SLC22A3: variants seen among roughly 807,000 people sequenced by gnomAD.
The protein encoded by SLC22A3 is solute carrier family 22 member 3, also known as EMT organic cation transporter 3.
A neutral mutation model predicts 59.1 loss-of-function variants in SLC22A3; 51 were observed. The observed-to-expected ratio is 0.86, with a 90% CI of 0.69 to 1.09. SLC22A3 has a LOEUF of 1.09. Ranked by LOEUF, SLC22A3 falls within the 50% of genes least tolerant of loss-of-function variation. The pLI is 0.00. For missense variants in SLC22A3, 711 were observed against 726.3 expected, an observed-to-expected ratio of 0.98 and a Z score of 0.24; for synonymous variants, 325 against 292.0, an observed-to-expected ratio of 1.11 and a Z score of -1.15.
chr6:160,436,650 G>A (rs1788343267), intron 5 of SLC22A3, 130 bp from the exon 6 acceptor site: 2 of 668,932 alleles, frequency 3.0e-6, no homozygotes, highest in Non-Finnish European at 5.2e-6. Flanking sequence ...TAATTGTCAG[G>A]TTTTAAGATA....
At chr6:160,425,583 T>G (rs1413932562) in intron 5 of SLC22A3, among the ~76,000 whole-genome samples, 1 of 152,202 alleles carries the variant, frequency 6.6e-6, no homozygotes, top group African/African-American at 2.4e-5. Context: ...TTAACTATAC[T>G]TATTTTCATC....
At chr6:160,368,825 C>T (rs1459720552) in intron 1 of SLC22A3, among the ~76,000 whole-genome samples, 1 of 152,174 alleles carries the variant, frequency 6.6e-6, no homozygotes, top group Non-Finnish European at 1.5e-5. Context: ...CCATAGTCAC[C>T]GGTTCATATT....
At chr6:160,405,117 A>G (rs1786958637) in intron 2 of SLC22A3, among the ~76,000 whole-genome samples, 1 of 152,140 alleles carries the variant, frequency 6.6e-6, no homozygotes, top group Non-Finnish European at 1.5e-5. Context: ...TGAAATGACA[A>G]GACACAGACT....
At chr6:160,372,580 T>C (rs1785439981) in intron 1 of SLC22A3, among the ~76,000 whole-genome samples, 1 of 152,248 alleles carries the variant, frequency 6.6e-6, no homozygotes, top group Non-Finnish European at 1.5e-5. Flanking sequence ...GATAATATCC[T>C]GAAGAGTGTT....
At chr6:160,421,951 G>A (rs1029619506) in intron 5 of SLC22A3, among the ~76,000 whole-genome samples, 3 of 152,124 alleles carry the variant, frequency 2.0e-5, no homozygotes, top group Non-Finnish European at 2.9e-5. Context: ...TGTGCTTCTC[G>A]ACTGTGGATA....
intron 5 of SLC22A3, among the ~76,000 whole-genome samples, chr6:160,423,768 G>T (rs1417136313): frequency 6.6e-6 from 1 of 152,134 alleles, no homozygotes; most frequent in Non-Finnish European, 1.5e-5. Flanking sequence ...CCATTCTCTA[G>T]GTTGCCTGTT....
At chr6:160,431,029 AT>A in intron 5 of SLC22A3, among the ~76,000 whole-genome samples, 1 of 152,364 alleles carries the variant, frequency 6.6e-6, no homozygotes, top group Admixed American at 6.5e-5. Context: ...ATAAGACTAT[AT>A]ATTTGTCAAA....
rs1371402330 is a variant in SLC22A3, at chr6:160,410,772, G to A, written c.901G>A (p.Gly301Arg). 1 of 1,613,316 alleles carries A rather than the reference G, an allele frequency of 6.2e-7. No homozygotes were observed. The highest frequency in any genetic ancestry group is 2.2e-5 in the East Asian group (1 of 44,836). The change falls in exon 5 of 11, where the codon GGA becomes AGA. Residue 301 changes from glycine to arginine, a missense_variant. Gly to Arg is a moderately radical substitution (Grantham distance 125). Coordinates refer to ENST00000275300, the MANE Select transcript of SLC22A3 (RefSeq NM_021977.4). The part of the protein sequence containing the change: ...SPRWLITRKK[G>R]DKALQILRRI... ...CCGTTGGCTGATTACTCGGAAGAAA[G>A]GAGATAAAGCATTACAGATCCTGAG...
intron 1 of SLC22A3, among the ~76,000 whole-genome samples, chr6:160,356,511 G>A (rs1356009472): frequency 2.6e-5 from 4 of 152,122 alleles, no homozygotes; most frequent in Non-Finnish European, 5.9e-5. Context: ...GTCATCAATC[G>A]AGCCTGCTCC....
At chr6:160,423,429 C>T (rs559561317) in intron 5 of SLC22A3, among the ~76,000 whole-genome samples, 2 of 152,334 alleles carry the variant, frequency 1.3e-5, no homozygotes, top group East Asian at 3.9e-4. Flanking sequence ...AATGGTTGAA[C>T]TAGTTTACAG....
chr6:160,451,146 A>C lies in SLC22A3; in HGVS notation c.*90A>C. The C allele has an allele frequency of 8.5e-7, 1 of 1,173,526 alleles. No homozygotes were observed. 72.7% of individuals were successfully genotyped at this position (1,173,526 alleles called of 1,614,324 possible). ...TTGCAGAGATGCACGTGTGCATTTCAGCTACATCATGCCGCGCTGTTGTAA... is the reference window on the plus strand; with the variant it reads ...TTGCAGAGATGCACGTGTGCATTTCCGCTACATCATGCCGCGCTGTTGTAA... On this transcript the variant is annotated 3_prime_UTR_variant, in exon 11 of 11. Transcript: ENST00000275300.
At chr6:160,352,890 C>T (rs1784706889) in intron 1 of SLC22A3, among the ~76,000 whole-genome samples, 1 of 152,218 alleles carries the variant, frequency 6.6e-6, no homozygotes, top group South Asian at 2.1e-4. Flanking sequence ...GGTGCAATCT[C>T]AGCTCACTGC....
At chr6:160,414,625 C>T (rs1787395328) in intron 5 of SLC22A3, among the ~76,000 whole-genome samples, 1 of 152,142 alleles carries the variant, frequency 6.6e-6, no homozygotes, top group Non-Finnish European at 1.5e-5. Context: ...ACAATCATGG[C>T]AGAAAGGGAA....
intron 5 of SLC22A3, among the ~76,000 whole-genome samples, chr6:160,414,855 C>G (rs879884873): frequency 2.0e-5 from 3 of 152,184 alleles, no homozygotes; most frequent in Non-Finnish European, 2.9e-5. Flanking sequence ...GGTGGGGACA[C>G]AGCCAAACCA....
intron 1 of SLC22A3, among the ~76,000 whole-genome samples, chr6:160,396,685 A>G (rs1786485334): frequency 6.6e-6 from 1 of 152,176 alleles, no homozygotes; most frequent in Non-Finnish European, 1.5e-5. Flanking sequence ...TTGGCCATGG[A>G]GACATACATT....
rs2114729428 is a variant in SLC22A3, at chr6:160,350,443, A to T, written c.429+1595A>T. On this transcript the variant is annotated intron_variant, in intron 1 of 10. Transcript: ENST00000275300. ...ATAATTGGTGATGGTCTGGTTAGAGATTTCACAGTTGAAAGGACAGGGCAT... is the reference window on the plus strand; with the variant it reads ...ATAATTGGTGATGGTCTGGTTAGAGTTTTCACAGTTGAAAGGACAGGGCAT... Among the ~76,000 whole-genome samples the T allele has an allele frequency of 2.0e-5, 3 of 152,218 alleles. No individual in the cohort carries two copies. The Middle Eastern group carries it at 0.01, about 518-fold the overall frequency.
At chr6:160,381,746 A>C (rs1006743574) in intron 1 of SLC22A3, among the ~76,000 whole-genome samples, 6 of 152,208 alleles carry the variant, frequency 3.9e-5, no homozygotes, top group Admixed American at 3.3e-4. Flanking sequence ...TTTTCTACCA[A>C]TGGAAAGTGG....
At chr6:160,350,485 G>A (rs1478088075) in intron 1 of SLC22A3, among the ~76,000 whole-genome samples, 1 of 152,178 alleles carries the variant, frequency 6.6e-6, no homozygotes, top group Non-Finnish European at 1.5e-5. Flanking sequence ...GGATGAGAGA[G>A]GGCATTATCT....
rs1291389925 is a variant in SLC22A3 at position 160,452,170 on chromosome 6, T to C, written c.*1114T>C. ...AATGTGGAACTTGTGTGTTCTGCTT[T>C]ATATGTTATATTCAATATCTTTTCA... On this transcript the variant is annotated 3_prime_UTR_variant, in exon 11 of 11. Coordinates refer to ENST00000275300, the MANE Select transcript of SLC22A3 (RefSeq NM_021977.4). 1 of 152,240 alleles carries C rather than the reference T, an allele frequency of 6.6e-6. No individual in the cohort carries two copies. The highest frequency in any genetic ancestry group is 1.5e-5 in the Non-Finnish European group (1 of 68,054). The allele number at this position is 152,240 out of a possible 1,614,324, so 9.4% of individuals were successfully genotyped here.
Sources: allele counts gnomAD v4.1 joint callset (sites outside exome capture counted in the v4.1 genomes callset), GRCh38; gene constraint gnomAD v4.1.1; transcripts MANE v1.5; gene names NCBI Gene and HGNC (gene_info 2026-07-23, HGNC 2026-07-21).